The following SNX7 variants were observed in gnomAD, a reference collection of about 807,000 sequenced individuals.
SNX7 encodes sorting nexin-7.
Under a neutral mutation model 48.4 loss-of-function variants are expected in SNX7, and 35 were observed. The ratio of observed to expected loss-of-function variants is 0.72; its 90% CI spans 0.55 to 0.96. The LOEUF (loss-of-function observed/expected upper bound fraction) is 0.96. Ranked by LOEUF, SNX7 falls within the 40% of genes least tolerant of loss-of-function variation. The pLI is 0.00. For missense variants in SNX7, 553 were observed against 548.9 expected, an observed-to-expected ratio of 1.01 and a Z score of -0.07; for synonymous variants, 190 against 190.2, an observed-to-expected ratio of 1.00 and a Z score of 0.01.
In SNX7 at chr1:98,738,219, CT is replaced by C. The variant is rs1444367379; in HGVS notation, c.1126-15del. The C allele has an allele frequency of 6.2e-7, 1 of 1,609,486 alleles. No individual in the cohort carries two copies. Among genetic ancestry groups the C allele is most frequent in the African/African-American group, 1.3e-5 (1 of 74,774 alleles). Reference sequence around the variant, plus strand: ...AGAATTCATAGATCAATGTATCTCTCTTTGTGACTTAATTCAGCTTCCAGAG... The same window carrying C: ...AGAATTCATAGATCAATGTATCTCTCTTGTGACTTAATTCAGCTTCCAGAG... On this transcript the variant is annotated splice_polypyrimidine_tract_variant and intron_variant, in intron 7 of 8. Coordinates refer to ENST00000306121, the MANE Select transcript of SNX7 (RefSeq NM_015976.5).
In SNX7 at chr1:98,738,345, G is replaced by A. The variant is rs892060362; in HGVS notation, c.1234G>A (p.Ala412Thr). ...KQNMQNDIKL[A>T]FTDMAEENIH... ...AAATATGCAAAATGATATCAAGTTAGCATTTACAGATATGGCTGAGGAGAA... is the reference window on the plus strand; with the variant it reads ...AAATATGCAAAATGATATCAAGTTAACATTTACAGATATGGCTGAGGAGAA... The change falls in exon 8 of 9, where the codon GCA (alanine) becomes ACA (threonine). Residue 412 changes from alanine to threonine, a missense_variant. Transcript: ENST00000306121. 5 of 1,613,108 alleles carry A rather than the reference G, an allele frequency of 3.1e-6. No homozygotes were observed. The highest frequency in any genetic ancestry group is 2.2e-5 in the East Asian group (1 of 44,776).
intron 7 of SNX7, among the ~76,000 whole-genome samples, chr1:98,718,791 T>C (rs1216134488): frequency 6.6e-6 from 1 of 152,158 alleles, no homozygotes; most frequent in Non-Finnish European, 1.5e-5. Context: ...TCTGACTTTT[T>C]AATTCGTGTG....
chr1:98,710,964 A>G (rs1234266377), intron 7 of SNX7, among the ~76,000 whole-genome samples: 2 of 152,208 alleles, frequency 1.3e-5, no homozygotes, highest in African/African-American at 4.8e-5. Flanking sequence ...TATAGTATGA[A>G]TATGTAAAAT....
At chr1:98,743,226 G>A (rs1654160850) in intron 8 of SNX7, among the ~76,000 whole-genome samples, 1 of 151,900 alleles carries the variant, frequency 6.6e-6, no homozygotes, top group African/African-American at 2.4e-5. Context: ...GGCGTGGCAT[G>A]GGGAGAGGTG....
intron 1 of SNX7, among the ~76,000 whole-genome samples, chr1:98,674,185 C>T (rs979081205): frequency 6.6e-6 from 1 of 151,932 alleles, no homozygotes; most frequent in Non-Finnish European, 1.5e-5. Flanking sequence ...TTAGCTTTGC[C>T]TCCATCCTCA....
At chr1:98,748,628 A>G (rs1392667615) in intron 8 of SNX7, among the ~76,000 whole-genome samples, 1 of 130,992 alleles carries the variant, frequency 7.6e-6, no homozygotes, top group Non-Finnish European at 1.6e-5. Flanking sequence ...AAAAGGAAGA[A>G]ATGATTTAAA....
intron 7 of SNX7, among the ~76,000 whole-genome samples, chr1:98,721,884 C>T (rs66993042): frequency 0.15 from 23,434 of 152,076 alleles, 1,892 homozygotes; most frequent in South Asian, 0.18. Context: ...TAAGGAGCCA[C>T]ATCATTTCTT....
intron 1 of SNX7, among the ~76,000 whole-genome samples, chr1:98,672,167 T>A (rs917044384): frequency 6.6e-6 from 1 of 152,134 alleles, no homozygotes; most frequent in Non-Finnish European, 1.5e-5. Flanking sequence ...TGCTTACAAT[T>A]AAGTTTTCTT....
At chr1:98,692,503 G>A (rs1651195447) in intron 4 of SNX7, among the ~76,000 whole-genome samples, 1 of 151,886 alleles carries the variant, frequency 6.6e-6, no homozygotes, top group Admixed American at 6.6e-5. Context: ...ACTTCATATG[G>A]GTCCCATGGT....
chr1:98,739,474 C>T (rs1337919818), intron 8 of SNX7, among the ~76,000 whole-genome samples: 1 of 152,194 alleles, frequency 6.6e-6, no homozygotes, highest in Admixed American at 6.5e-5. Context: ...TATCACCAGA[C>T]ATTGTGCCTG....
intron 7 of SNX7, among the ~76,000 whole-genome samples, chr1:98,723,189 C>T (rs1227026156): frequency 2.0e-5 from 3 of 152,124 alleles, no homozygotes; most frequent in African/African-American, 7.2e-5. Flanking sequence ...AAAAGAACAA[C>T]AACCCTGCTT....
chr1:98,678,047 A>G (rs1459120034), intron 1 of SNX7, among the ~76,000 whole-genome samples: 1 of 151,716 alleles, frequency 6.6e-6, no homozygotes, highest in East Asian at 1.9e-4. Flanking sequence ...GCATTGCTAT[A>G]AAGAAATACC....
intron 8 of SNX7, among the ~76,000 whole-genome samples, chr1:98,758,890 C>T (rs188261132): frequency 2.0e-5 from 3 of 151,740 alleles, no homozygotes; most frequent in Admixed American, 2.0e-4. Flanking sequence ...ATAGTATTTC[C>T]CATATTCTAA....
chr1:98,758,158 C>G (rs2101065192), intron 8 of SNX7, among the ~76,000 whole-genome samples: 1 of 152,136 alleles, frequency 6.6e-6, no homozygotes, highest in South Asian at 2.1e-4. Flanking sequence ...TTTTGTATGT[C>G]TACCCTCCAT....
chr1:98,689,866 G>A (rs188338475), intron 2 of SNX7, among the ~76,000 whole-genome samples: 3 of 152,230 alleles, frequency 2.0e-5, no homozygotes, highest in Admixed American at 6.5e-5. Context: ...CATGTACCAT[G>A]TTGCATAATA....
At chr1:98,751,688 G>T (rs913655061) in intron 8 of SNX7, among the ~76,000 whole-genome samples, 5 of 152,142 alleles carry the variant, frequency 3.3e-5, no homozygotes, top group African/African-American at 4.8e-5. Flanking sequence ...TTTTTCTGCA[G>T]TGAGAAGGAG....
intron 1 of SNX7, among the ~76,000 whole-genome samples, chr1:98,668,155 A>G (rs1304607298): frequency 3.3e-5 from 5 of 152,214 alleles, no homozygotes; most frequent in Non-Finnish European, 7.3e-5. Flanking sequence ...CAATAAAACC[A>G]AAACAAGGAA....
In SNX7 at chr1:98,694,095, G is replaced by A. The variant is rs1333965605; in HGVS notation, c.640-1423G>A. Among the ~76,000 whole-genome samples the A allele has an allele frequency of 2.0e-5, 3 of 152,184 alleles. No individual in the cohort carries two copies. The East Asian group carries it at 5.8e-4, about 29-fold the overall frequency. ...TCTTATTACAAGTTTTCTCAGCTGG[G>A]CGCGGTGGCTCACGCCTGTAATCCC... On this transcript the variant is annotated intron_variant, in intron 4 of 8. Transcript: ENST00000306121.
At chr1:98,678,672 G>A (rs757651061) in intron 1 of SNX7, among the ~76,000 whole-genome samples, 6 of 152,088 alleles carry the variant, frequency 3.9e-5, no homozygotes, top group African/African-American at 1.4e-4. Flanking sequence ...GCTTTAAGGG[G>A]CTCCCACTTG....
Sources: allele counts gnomAD v4.1 joint callset (sites outside exome capture counted in the v4.1 genomes callset), GRCh38; gene constraint gnomAD v4.1.1; transcripts MANE v1.5; gene names NCBI Gene and HGNC (gene_info 2026-07-23, HGNC 2026-07-21).